The following STRN variants were observed in gnomAD, a reference collection of about 807,000 sequenced individuals.
STRN encodes the protein protein phosphatase 2 regulatory subunit B'''alpha.
In STRN, 53 loss-of-function variants were observed where a neutral mutation model predicts 96.3. The ratio of observed to expected loss-of-function variants is 0.55; its 90% CI spans 0.44 to 0.69. STRN has a LOEUF of 0.69. Among genes scored for constraint, STRN ranks in the 30% least tolerant of loss-of-function variants. The probability of loss-of-function intolerance (pLI) is 0.00; values close to 1 mark genes in which losing one functional copy is unlikely to be tolerated. For synonymous variants in STRN, 428 were observed against 355.9 expected, an observed-to-expected ratio of 1.20 and a Z score of -2.28; for missense variants, 987 against 963.9, an observed-to-expected ratio of 1.02 and a Z score of -0.32.
At position 36,935,289 on chromosome 2, in the gene STRN, G is replaced by C. The variant is rs568548278; in HGVS notation, c.235-10081C>G. On this transcript the variant is annotated intron_variant, in intron 1 of 17. Transcript: ENST00000263918. Reference sequence around the variant, plus strand: ...CAGTAATCCCTTCTCTGAATTCCAAGAGCATTTCTTATTTTCTATTTAAAA... The same window carrying C: ...CAGTAATCCCTTCTCTGAATTCCAACAGCATTTCTTATTTTCTATTTAAAA... 9.2e-5 allele frequency among the ~76,000 whole-genome samples: 14 copies of C among 152,070 alleles called. No individual in the cohort carries two copies. In the South Asian group the frequency reaches 2.5e-3, roughly 27 times the overall value.
chr2:36,838,870 G>T lies in STRN; in HGVS notation c.*10586C>A, dbSNP rs561114114. 3.3e-5 allele frequency among the ~76,000 whole-genome samples: 5 copies of T among 152,226 alleles called. No homozygotes were observed. In the South Asian group the frequency reaches 1.0e-3, roughly 32 times the overall value. On this transcript the variant is annotated 3_prime_UTR_variant, in exon 18 of 18. Coordinates refer to ENST00000263918, the MANE Select transcript of STRN (RefSeq NM_003162.4). ...ATGAGAAATGTGAGATGCAGAGAAC[G>T]TACATGATCCCATTTATTTAAAGCA...
rs979763982 is a variant in STRN at position 36,904,533 on chromosome 2, T to C, written c.491+1007A>G. 5.3e-5 allele frequency among the ~76,000 whole-genome samples: 8 copies of C among 152,148 alleles called. 1 individual carries two copies. The highest frequency in any genetic ancestry group is 5.2e-4 in the Admixed American group (8 of 15,272). On this transcript the variant is annotated intron_variant, in intron 4 of 17. Transcript: ENST00000263918. ...GTCTCAAATACATATTAATATTTTA[T>C]GGAAGAAAGTTGACCGGGCATGGTG...
At chr2:36,943,803 C>CA (rs1168429462) in intron 1 of STRN, among the ~76,000 whole-genome samples, 12 of 149,052 alleles carry the variant, frequency 8.1e-5, no homozygotes, top group African/African-American at 2.2e-4. Context: ...GACTCTGTCT[C>CA]AAAAAAAACC....
At position 36,845,283 on chromosome 2, in the gene STRN, C is replaced by A. The variant is rs975311618; in HGVS notation, c.*4173G>T. ...AAAGAAAAACAAAATTAATTCTAAG[C>A]CTTTCAGTCTGATTTGTGACATCTT... On this transcript the variant is annotated 3_prime_UTR_variant, in exon 18 of 18. Coordinates refer to ENST00000263918, the MANE Select transcript of STRN (RefSeq NM_003162.4). 1.3e-5 allele frequency: 2 copies of A among 152,026 alleles called. No individual in the cohort carries two copies. The highest frequency in any genetic ancestry group is 2.4e-5 in the African/African-American group (1 of 41,404). 9.4% of individuals were successfully genotyped at this position (152,026 alleles called of 1,614,324 possible).
At chr2:36,914,893 T>C (rs1670049517) in intron 3 of STRN, among the ~76,000 whole-genome samples, 1 of 152,036 alleles carries the variant, frequency 6.6e-6, no homozygotes, top group Non-Finnish European at 1.5e-5. Context: ...AATAACCACT[T>C]TAAAATTTAA....
In STRN at chr2:36,884,074, C is replaced by A; in HGVS notation, c.1044G>T (p.Arg348Ser). ...KERKGKKGVK[R>S]PNRSKLQDML... ...TATCTTGTAGTTTTGACCTATTGGGCCCTAGCCAAAAAAAGGGGGGGTGGG... is the reference window on the plus strand; with the variant it reads ...TATCTTGTAGTTTTGACCTATTGGGACCTAGCCAAAAAAAGGGGGGGTGGG... Residue 348 changes from arginine to serine, a missense_variant and splice_region_variant, in exon 9 of 18, where the codon AGG (arginine) becomes AGT (serine). Arg to Ser is a moderately radical substitution (Grantham distance 110). Transcript: ENST00000263918. 1 of 1,333,756 alleles carries A rather than the reference C, an allele frequency of 7.5e-7. No individual in the cohort carries two copies. The highest frequency in any genetic ancestry group is 9.7e-7 in the Non-Finnish European group (1 of 1,032,526). 82.6% of individuals were successfully genotyped at this position (1,333,756 alleles called of 1,614,324 possible). A position where few individuals can be genotyped will look rare whatever the true frequency, so the allele number is the denominator to read the frequency against.
chr2:36,934,743 T>C (rs1433571105), intron 1 of STRN, among the ~76,000 whole-genome samples: 1 of 152,216 alleles, frequency 6.6e-6, no homozygotes, highest in African/African-American at 2.4e-5. Flanking sequence ...TCTAGTTTTG[T>C]CTTCCACATT....
chr2:36,909,183 G>A (rs1395665177), intron 3 of STRN, among the ~76,000 whole-genome samples: 1 of 150,756 alleles, frequency 6.6e-6, no homozygotes, highest in Admixed American at 6.6e-5. Context: ...AAAAATTCAG[G>A]TTAAAAAAAG....
intron 1 of STRN, among the ~76,000 whole-genome samples, chr2:36,947,289 G>A (rs369817892): frequency 5.3e-5 from 8 of 152,088 alleles, no homozygotes; most frequent in African/African-American, 1.9e-4. Flanking sequence ...AACTACCTGA[G>A]TTTCAACTAT....
intron 2 of STRN, among the ~76,000 whole-genome samples, chr2:36,917,044 T>TAA (rs1249631668): frequency 2.5e-5 from 2 of 78,808 alleles, no homozygotes; most frequent in African/African-American, 1.4e-4. Context: ...GAATGATCAA[T>TAA]AAAAAAATAA....
intron 9 of STRN, among the ~76,000 whole-genome samples, chr2:36,883,498 A>C (rs1263708581): frequency 1.3e-5 from 2 of 152,174 alleles, no homozygotes; most frequent in Non-Finnish European, 2.9e-5. Context: ...CCAAGACTGA[A>C]AGGGAACAAG....
chr2:36,944,824 G>A (rs982049572), intron 1 of STRN, among the ~76,000 whole-genome samples: 10 of 152,070 alleles, frequency 6.6e-5, no homozygotes, highest in Non-Finnish European at 1.2e-4. Flanking sequence ...AAATTCAGTC[G>A]TAATCAGAGA....
intron 12 of STRN, 55 bp downstream of exon 12, chr2:36,867,759 A>G: frequency 8.4e-7 from 1 of 1,194,986 alleles, no homozygotes. Flanking sequence ...AAATATCCTA[A>G]CCAGGCTATT....
intron 1 of STRN, among the ~76,000 whole-genome samples, chr2:36,928,627 G>A (rs1282419672): frequency 6.0e-5 from 9 of 149,542 alleles, no homozygotes; most frequent in Non-Finnish European, 1.3e-4. Flanking sequence ...ACTCCAGCCT[G>A]GGCGACACAG....
At chr2:36,855,177 AAT>A (rs755571025) in intron 15 of STRN, 33 bp downstream of exon 15, 1 of 1,602,934 alleles carries the variant, frequency 6.2e-7, no homozygotes, top group African/African-American at 1.3e-5. Flanking sequence ...AAGTTAAAAA[AAT>A]AAACACAGAC....
chr2:36,927,818 A>G (rs571341996), intron 1 of STRN, among the ~76,000 whole-genome samples: 7 of 152,346 alleles, frequency 4.6e-5, no homozygotes, highest in African/African-American at 1.7e-4. Flanking sequence ...ACAACTGGTA[A>G]TATCTGTCAA....
In STRN at chr2:36,925,190, G is replaced by A; in HGVS notation, c.253C>T (p.Gln85Ter). Residue 85 changes from glutamine to a stop codon, truncating the protein, a stop_gained, in exon 2 of 18, where the codon CAG becomes TAG. Transcript: ENST00000263918. LOFTEE classifies it high-confidence loss of function. ...AELQAQIAFL[Q>*]GERKGQENLK... ...TTTTCTTGGCCCTTCCTTTCTCCCT[G>A]CAGGAAGGCAATCTGGGCCTGAGTA... 6.2e-7 allele frequency: 1 copy of A among 1,613,644 alleles called. No homozygotes were observed. Among genetic ancestry groups the A allele is most frequent in the Non-Finnish European group, 8.5e-7 (1 of 1,179,746 alleles).
chr2:36,965,643 G>A (rs1035945332), intron 1 of STRN, among the ~76,000 whole-genome samples: 1 of 152,130 alleles, frequency 6.6e-6, no homozygotes, highest in African/African-American at 2.4e-5. Flanking sequence ...CGTGGGAGGG[G>A]GCCGGGGGGT....
chr2:36,952,832 G>A (rs1426036464), intron 1 of STRN, among the ~76,000 whole-genome samples: 1 of 152,190 alleles, frequency 6.6e-6, no homozygotes, highest in Non-Finnish European at 1.5e-5. Context: ...GCTCCTCCCT[G>A]TTCCCTCCTT....
Sources: allele counts gnomAD v4.1 joint callset (sites outside exome capture counted in the v4.1 genomes callset), GRCh38; gene constraint gnomAD v4.1.1; transcripts MANE v1.5; gene names NCBI Gene and HGNC (gene_info 2026-07-23, HGNC 2026-07-21).